The following CTNNA3 variants were observed in gnomAD, a reference collection of about 807,000 sequenced individuals.
CTNNA3 encodes catenin alpha-3.
In CTNNA3, 76 loss-of-function variants were observed where a neutral mutation model predicts 95.7. That is an observed-to-expected ratio of 0.79 (90% CI 0.66 to 0.96). The LOEUF (loss-of-function observed/expected upper bound fraction) is 0.96. Among genes scored for constraint, CTNNA3 ranks in the 40% least tolerant of loss-of-function variants. The pLI is 0.00. For missense variants in CTNNA3, 1,191 were observed against 1,089.8 expected, an observed-to-expected ratio of 1.09 and a Z score of -1.31; for synonymous variants, 431 against 374.4, an observed-to-expected ratio of 1.15 and a Z score of -1.74.
chr10:66,357,923 A>T (rs1328645140), intron 12 of CTNNA3, among the ~76,000 whole-genome samples: 1 of 152,110 alleles, frequency 6.6e-6, no homozygotes, highest in Non-Finnish European at 1.5e-5. Context: ...CATTGTGTCC[A>T]ATTTCTCCAC....
chr10:66,041,822 T>C (rs1255759088), intron 15 of CTNNA3, among the ~76,000 whole-genome samples: 2 of 152,204 alleles, frequency 1.3e-5, no homozygotes, highest in Non-Finnish European at 2.9e-5. Flanking sequence ...CTGGGATACC[T>C]AACTCCATTC....
chr10:66,263,935 G>A (rs867529312), intron 13 of CTNNA3, among the ~76,000 whole-genome samples: 1 of 151,596 alleles, frequency 6.6e-6, no homozygotes, highest in Admixed American at 6.6e-5. Flanking sequence ...GCCGTTTCTC[G>A]GTTTTCTATC....
chr10:66,748,961 T>C (rs1449087248), intron 9 of CTNNA3, among the ~76,000 whole-genome samples: 4 of 150,270 alleles, frequency 2.7e-5, no homozygotes, highest in Non-Finnish European at 5.9e-5. Context: ...TCACCTGAGA[T>C]CAGGAGTTCA....
At chr10:66,621,114 T>C (rs1844730078) in intron 10 of CTNNA3, among the ~76,000 whole-genome samples, 1 of 152,162 alleles carries the variant, frequency 6.6e-6, no homozygotes, top group African/African-American at 2.4e-5. Context: ...TTAACTTTTT[T>C]CAAACCGATA....
chr10:67,627,867 T>C (rs1473706175), intron 2 of CTNNA3, among the ~76,000 whole-genome samples: 1 of 151,874 alleles, frequency 6.6e-6, no homozygotes, highest in East Asian at 1.9e-4. Flanking sequence ...TTAAAACTAC[T>C]GTATATGATA....
intron 10 of CTNNA3, among the ~76,000 whole-genome samples, chr10:66,563,500 T>C (rs981151054): frequency 1.3e-5 from 2 of 152,044 alleles, no homozygotes; most frequent in Non-Finnish European, 2.9e-5. Context: ...TTTAAAGATA[T>C]AATTACATAA....
intron 5 of CTNNA3, among the ~76,000 whole-genome samples, chr10:67,274,420 G>A (rs931072114): frequency 2.6e-5 from 4 of 152,014 alleles, no homozygotes; most frequent in African/African-American, 9.7e-5. Flanking sequence ...TGATTTCCAC[G>A]ACCTCAATAG....
chr10:66,707,632 T>C (rs1848159208), intron 9 of CTNNA3, among the ~76,000 whole-genome samples: 2 of 152,082 alleles, frequency 1.3e-5, no homozygotes, highest in Admixed American at 1.3e-4. Context: ...AGAGATTTAA[T>C]AGAAACACTT....
chr10:66,565,137 AAAAG>A (rs768342185), intron 10 of CTNNA3, among the ~76,000 whole-genome samples: 19 of 152,174 alleles, frequency 1.2e-4, no homozygotes, highest in Non-Finnish European at 2.5e-4. Context: ...GACATTGTAA[AAAAG>A]AAAGACACAA....
In CTNNA3 at chr10:66,233,016, C is replaced by T. The variant is rs192761602; in HGVS notation, c.1884+47454G>A. 7.3e-3 allele frequency among the ~76,000 whole-genome samples: 1,100 copies of T among 151,692 alleles called. 30 individuals are homozygous for T. The highest frequency in any genetic ancestry group is 0.025 in the East Asian group (129 of 5,132). ...ACTAAAAAATACAACAAAAATTAGC[C>T]GGGCGTGGTGGTGTGCGCCTGTAGT... On this transcript the variant is annotated intron_variant, in intron 13 of 17. Transcript: ENST00000433211.
intron 7 of CTNNA3, among the ~76,000 whole-genome samples, chr10:66,979,942 G>A (rs934946868): frequency 2.6e-5 from 4 of 152,112 alleles, no homozygotes; most frequent in Admixed American, 6.5e-5. Context: ...CTCAAGTACT[G>A]TTGGAACACC....
intron 15 of CTNNA3, among the ~76,000 whole-genome samples, chr10:66,036,355 C>T (rs947554345): frequency 2.0e-5 from 3 of 151,974 alleles, no homozygotes; most frequent in Admixed American, 6.6e-5. Flanking sequence ...AAAAGGACCA[C>T]CAGGTTTTTT....
chr10:67,117,903 G>A lies in CTNNA3; in HGVS notation c.1047+62414C>T, dbSNP rs75557882. Among the ~76,000 whole-genome samples the A allele has an allele frequency of 5.8e-3, 880 of 152,070 alleles. 3 individuals are homozygous for A. Among genetic ancestry groups the A allele is most frequent in the Non-Finnish European group, 8.7e-3 (594 of 67,908 alleles). On this transcript the variant is annotated intron_variant, in intron 7 of 17. Coordinates refer to ENST00000433211, the MANE Select transcript of CTNNA3 (RefSeq NM_013266.4). ...GAATAATATGGAAGCACATTTGGATGACTTCATAGATATTTATAGCAATCA... is the reference window on the plus strand; with the variant it reads ...GAATAATATGGAAGCACATTTGGATAACTTCATAGATATTTATAGCAATCA...
chr10:66,891,496 A>T (rs770448489), intron 7 of CTNNA3, among the ~76,000 whole-genome samples: 6 of 152,146 alleles, frequency 3.9e-5, no homozygotes, highest in Non-Finnish European at 7.4e-5. Context: ...ATTCTGAAAA[A>T]CTTCAAACTT....
chr10:66,632,434 A>C (rs144456237), intron 9 of CTNNA3, among the ~76,000 whole-genome samples: 3,453 of 151,920 alleles, frequency 0.023, 137 homozygotes, highest in African/African-American at 0.08. Context: ...GCATGCCTGT[A>C]ATCCCAGCTA....
rs533614453 is a variant in CTNNA3, at chr10:66,836,306, A to C, written c.1048-60782T>G. 1.3e-3 allele frequency among the ~76,000 whole-genome samples: 200 copies of C among 152,236 alleles called. 1 individual carries two copies. Among genetic ancestry groups the C allele is most frequent in the African/African-American group, 4.8e-3 (199 of 41,556 alleles). ...ACTGTTTAAATTCCACAGTCCCCTG[A>C]AAGTAGGAATTTGCTGAGTCAAACA... On this transcript the variant is annotated intron_variant, in intron 7 of 17. Transcript: ENST00000433211.
At chr10:67,441,347 T>C (rs1017756003) in intron 5 of CTNNA3, among the ~76,000 whole-genome samples, 1 of 151,310 alleles carries the variant, frequency 6.6e-6, no homozygotes, top group African/African-American at 2.4e-5. Flanking sequence ...CTAAGAATTA[T>C]TGGTCTTAAA....
intron 5 of CTNNA3, among the ~76,000 whole-genome samples, chr10:67,392,980 G>A (rs1415499355): frequency 5.3e-5 from 8 of 151,752 alleles, no homozygotes; most frequent in East Asian, 1.9e-4. Context: ...TGGGTGCAGC[G>A]CACCAGCATG....
At chr10:66,211,983 G>GTT (rs61453326) in intron 13 of CTNNA3, among the ~76,000 whole-genome samples, 4,959 of 94,730 alleles carry the variant, frequency 0.052, 219 homozygotes, top group African/African-American at 0.082. Flanking sequence ...TTGTTTTTGG[G>GTT]TTTTTTTTTT....
Sources: gnomAD v4.1 joint callset for allele counts (sites outside exome capture counted in the v4.1 genomes callset) on GRCh38, gnomAD v4.1.1 for gene constraint, MANE v1.5 for transcripts, NCBI Gene and HGNC (gene_info 2026-07-23, HGNC 2026-07-21) for gene names.